Variants in CUX2 observed in about 807,000 individuals in gnomAD.
CUX2 encodes the protein homeobox protein cut-like 2.
A neutral mutation model predicts 144.8 loss-of-function variants in CUX2; 40 were observed. The ratio of observed to expected loss-of-function variants is 0.28; its 90% confidence interval spans 0.21 to 0.36. The LOEUF is 0.36. Ranked by LOEUF, CUX2 falls within the 10% of genes least tolerant of loss-of-function variation. The pLI, the probability that CUX2 is intolerant of heterozygous loss-of-function variation, is 1.00. For synonymous variants in CUX2, 827 were observed against 875.6 expected, an observed-to-expected ratio of 0.94 and a Z score of 0.98; for missense variants, 1,615 against 1,994.0, an observed-to-expected ratio of 0.81 and a Z score of 3.62.
chr12:111,205,422 C>T (rs917735049), intron 1 of CUX2, among the ~76,000 whole-genome samples: 3 of 152,228 alleles, frequency 2.0e-5, no homozygotes, highest in Admixed American at 6.5e-5. Flanking sequence ...CCCTCCATCC[C>T]CCCGCCACAA....
At chr12:111,047,753 C>G (rs1045199266) in intron 1 of CUX2, among the ~76,000 whole-genome samples, 1 of 152,226 alleles carries the variant, frequency 6.6e-6, no homozygotes, top group Non-Finnish European at 1.5e-5. Flanking sequence ...CGCACAATGC[C>G]AGCTGCTGGG....
In CUX2 at chr12:111,035,227, T is replaced by C. The variant is rs1203895726; in HGVS notation, c.63+987T>C. ...CTCTGCTTTTCTTCTGTTTCTTTCCTCTCTTCCCTGCTCTTTCTCTCTCCT... is the reference window on the plus strand; with the variant it reads ...CTCTGCTTTTCTTCTGTTTCTTTCCCCTCTTCCCTGCTCTTTCTCTCTCCT... On this transcript the variant is annotated intron_variant, in intron 1 of 21. Transcript: ENST00000261726. This position sits in a 1 kb window ranked among gnomAD's most constrained non-coding sequence, Gnocchi z 6.0. Among the ~76,000 whole-genome samples the C allele has an allele frequency of 6.6e-6, 1 of 152,230 alleles. No individual in the cohort carries two copies.
rs1334171570 is a variant in CUX2, at chr12:111,338,276, C to T, written c.3197-10C>T. The T allele has an allele frequency of 8.1e-6, 13 of 1,597,574 alleles. No homozygotes were observed. The highest frequency in any genetic ancestry group is 2.7e-5 in the African/African-American group (2 of 74,652). On this transcript the variant is annotated splice_polypyrimidine_tract_variant and intron_variant, in intron 19 of 21. Coordinates refer to ENST00000261726, the MANE Select transcript of CUX2 (RefSeq NM_015267.4). Reference sequence around the variant, plus strand: ...TCGGGTAACAGATTGCTCCCCTCCCCTATCCCCAGGGCAGCGGCTGTTTGG... The same window carrying T: ...TCGGGTAACAGATTGCTCCCCTCCCTTATCCCCAGGGCAGCGGCTGTTTGG...
At chr12:111,284,122 G>A (rs527627031) in intron 4 of CUX2, among the ~76,000 whole-genome samples, 1 of 152,190 alleles carries the variant, frequency 6.6e-6, no homozygotes, top group South Asian at 2.1e-4. Context: ...TCAACCCTGA[G>A]GGTGTCTCAT....
intron 1 of CUX2, among the ~76,000 whole-genome samples, chr12:111,098,015 G>C (rs1423631868): frequency 6.6e-6 from 1 of 152,202 alleles, no homozygotes; most frequent in African/African-American, 2.4e-5. Context: ...AGCCATTGAA[G>C]GGCGTAAGCT....
chr12:111,220,743 CAAAAAAAAAAAAAAAAAAAAAA>C (rs549438290), intron 3 of CUX2, among the ~76,000 whole-genome samples: 6 of 39,132 alleles, frequency 1.5e-4, no homozygotes, highest in South Asian at 1.5e-3. Context: ...CTCATCTCTG[CAAAAAAAAAAAAAAAAAAAAAA>C]AAAAAAAAAA....
chr12:111,296,543 A>C lies in CUX2; in HGVS notation c.704+4A>C. The C allele has an allele frequency of 6.2e-7, 1 of 1,610,016 alleles. No individual in the cohort carries two copies. The highest frequency in any genetic ancestry group is 8.5e-7 in the Non-Finnish European group (1 of 1,177,962). ...ACGACGAGGAGGCAGCATCCAAGTA[A>C]GTGAGCCCTGCTGAGGTGTACCTCC... On this transcript the variant is annotated splice_donor_region_variant and intron_variant, in intron 8 of 21. Coordinates refer to ENST00000261726, the MANE Select transcript of CUX2 (RefSeq NM_015267.4).
chr12:111,266,062 G>A (rs1884369844), intron 4 of CUX2, among the ~76,000 whole-genome samples: 1 of 152,138 alleles, frequency 6.6e-6, no homozygotes. Flanking sequence ...TTATGTCTAC[G>A]TAGAACTTCA....
rs368621030 is a variant in CUX2, at chr12:111,325,013, G to A, written c.2926+2433G>A. Reference sequence around the variant, plus strand: ...TAAAAGCAGCCATGCTGGCCGGGTGGGGTGCCTCATGCCTGTAATCCCAGC... The same window carrying A: ...TAAAAGCAGCCATGCTGGCCGGGTGAGGTGCCTCATGCCTGTAATCCCAGC... On this transcript the variant is annotated intron_variant, in intron 18 of 21. Coordinates refer to ENST00000261726, the MANE Select transcript of CUX2 (RefSeq NM_015267.4). Among the ~76,000 whole-genome samples, 5 of 151,898 alleles carry A rather than the reference G, an allele frequency of 3.3e-5. No individual in the cohort carries two copies. In the East Asian group the frequency reaches 5.8e-4, roughly 18 times the overall value.
chr12:111,214,247 G>C lies in CUX2; in HGVS notation c.111G>C (p.Glu37Asp). The change falls in exon 2 of 22, where the codon GAG becomes GAC. Residue 37 changes from glutamate (E) to aspartate (D), a missense_variant. Physicochemically the swap from Glu to Asp is conservative, Grantham distance 45. Transcript: ENST00000261726. ...VASELSARQE[E>D]SEHSHKHLIE... is the part of the protein sequence containing the mutation. The stretch of plus-strand genomic sequence containing the variant: ...CTGAGCTGTCTGCACGGCAGGAGGA[G>C]AGTGAACATTCTCATAAACATTTAA... 6.2e-7 allele frequency: 1 copy of C among 1,610,114 alleles called. No individual in the cohort carries two copies. The highest frequency in any genetic ancestry group is 8.5e-7 in the Non-Finnish European group (1 of 1,178,754).
chr12:111,297,476 T>C (rs1886071582), intron 8 of CUX2, among the ~76,000 whole-genome samples: 2 of 152,208 alleles, frequency 1.3e-5, no homozygotes, highest in Admixed American at 6.5e-5. Flanking sequence ...CAGCCATAAA[T>C]AATGTCCTGG....
At chr12:111,329,272 C>T (rs776022028) in intron 18 of CUX2, among the ~76,000 whole-genome samples, 1 of 151,536 alleles carries the variant, frequency 6.6e-6, no homozygotes, top group Non-Finnish European at 1.5e-5. Flanking sequence ...CCCTGTCTGG[C>T]ACCCCACCCA....
At chr12:111,161,958 A>T (rs556752142) in intron 1 of CUX2, among the ~76,000 whole-genome samples, 1 of 152,004 alleles carries the variant, frequency 6.6e-6, no homozygotes, top group Non-Finnish European at 1.5e-5. Context: ...GTGGTCTCGA[A>T]CTCCTGGGCT....
intron 1 of CUX2, among the ~76,000 whole-genome samples, chr12:111,135,379 GC>G (rs1433759441): frequency 2.6e-5 from 4 of 152,292 alleles, no homozygotes; most frequent in African/African-American, 9.6e-5. Context: ...AACCACCAAT[GC>G]AAAATGCAAA....
chr12:111,227,631 G>T (rs774326924), intron 3 of CUX2, among the ~76,000 whole-genome samples: 2 of 152,012 alleles, frequency 1.3e-5, no homozygotes, highest in Non-Finnish European at 2.9e-5. Context: ...CCCCTCCTGC[G>T]CACTCTGGCT....
Position 111,277,342 on chromosome 12 carries a change from T to G in CUX2, c.301+13503T>G, listed in dbSNP as rs1173453298. Among the ~76,000 whole-genome samples the G allele has an allele frequency of 6.6e-6, 1 of 152,100 alleles. No individual in the cohort carries two copies. The highest frequency in any genetic ancestry group is 1.9e-4 in the East Asian group (1 of 5,192). ...TTATGAAGATGGAGCAAAGTTGTAT[T>G]TCTGGGACGGTAACCCCAGGGGAGG... On this transcript the variant is annotated intron_variant, in intron 4 of 21. Transcript: ENST00000261726. The surrounding 1 kb of genome is among the most constrained non-coding windows in gnomAD (Gnocchi z 5.0).
In CUX2 at chr12:111,320,900, C is replaced by A; in HGVS notation, c.2766+125C>A. 1 of 1,051,172 alleles carries A rather than the reference C, an allele frequency of 9.5e-7. No individual in the cohort carries two copies. Among genetic ancestry groups the A allele is most frequent in the Non-Finnish European group, 1.3e-6 (1 of 781,388 alleles). The allele number at this position is 1,051,172 out of a possible 1,614,324, so 65.1% of individuals were successfully genotyped here. ...GCCCTTCATTCCTGAGTCCTGCTGT[C>A]CCTGGGTCCCGCAGGAAGGAGGGCC... is the stretch of plus-strand genomic sequence containing the variant. On this transcript the variant is annotated intron_variant, in intron 17 of 21. Coordinates refer to ENST00000261726, the MANE Select transcript of CUX2 (RefSeq NM_015267.4). The surrounding 1 kb of genome is among the most constrained non-coding windows in gnomAD (Gnocchi z 8.1).
At position 111,061,616 on chromosome 12, in the gene CUX2, G is replaced by A. The variant is rs554743739; in HGVS notation, c.63+27376G>A. 9.2e-5 allele frequency among the ~76,000 whole-genome samples: 14 copies of A among 152,204 alleles called. No homozygotes were observed. Among genetic ancestry groups the A allele is most frequent in the Non-Finnish European group, 1.5e-4 (10 of 68,010 alleles). ...CTAAGTACATCCAACTCTACATCAC[G>A]GTCTTTCCACTTATACCCACATTAG... On this transcript the variant is annotated intron_variant, in intron 1 of 21. Coordinates refer to ENST00000261726, the MANE Select transcript of CUX2 (RefSeq NM_015267.4). The surrounding 1 kb of genome is among the most constrained non-coding windows in gnomAD (Gnocchi z 4.2).
chr12:111,150,880 C>A (rs548245017), intron 1 of CUX2, among the ~76,000 whole-genome samples: 14 of 152,208 alleles, frequency 9.2e-5, no homozygotes, highest in African/African-American at 3.4e-4. Flanking sequence ...TATTATTTCG[C>A]AGCAATGGTG....
Sources: gnomAD v4.1 joint callset for allele counts (sites outside exome capture counted in the v4.1 genomes callset) on GRCh38, gnomAD v4.1.1 for gene constraint, Gnocchi (gnomAD v3.1) non-coding constraint, MANE v1.5 for transcripts, NCBI Gene and HGNC (gene_info 2026-07-23, HGNC 2026-07-21) for gene names.